The following AGMO variants were observed in gnomAD, a reference collection of about 807,000 sequenced individuals.
The protein encoded by AGMO is alkylglycerol monooxygenase.
In AGMO, 75 loss-of-function variants were observed where a neutral mutation model predicts 60.2. That is an observed-to-expected ratio of 1.25 (90% CI 1.03 to 1.51). The LOEUF (loss-of-function observed/expected upper bound fraction) is 1.51, where lower values mean the gene tolerates loss of function less well. AGMO is among the 40% of genes most tolerant of loss of function. AGMO has a pLI of 0.00. For missense variants in AGMO, 763 were observed against 525.5 expected (o/e 1.45, Z -4.42); for synonymous variants, 261 against 177.1 (o/e 1.47, Z -3.76).
the AGMO span, among the ~76,000 whole-genome samples, chr7:15,147,254 C>T: frequency 4.6e-5 from 7 of 152,080 alleles, no homozygotes; most frequent in South Asian, 2.1e-4. Context: ...TCTGTTCTCA[C>T]GCTGCTAATA....
intron 12 of AGMO, among the ~76,000 whole-genome samples, chr7:15,290,785 A>C (rs1339173900): frequency 6.6e-6 from 1 of 152,200 alleles, no homozygotes; most frequent in Non-Finnish European, 1.5e-5. Flanking sequence ...AACTTTCGTG[A>C]TGATTTTAAA....
intron 9 of AGMO, among the ~76,000 whole-genome samples, chr7:15,386,935 G>T (rs1783938172): frequency 6.6e-6 from 1 of 152,100 alleles, no homozygotes; most frequent in African/African-American, 2.4e-5. Flanking sequence ...ACTATAAAAT[G>T]AATATAGTTA....
rs570496211 is a variant in AGMO, at chr7:15,310,839, G to A, written c.1263+54675C>T. On this transcript the variant is annotated intron_variant, in intron 12 of 12. Transcript: ENST00000342526. Reference sequence around the variant, plus strand: ...CTGTGTTCCTTTCTGGTGGCACTAAGGGAGAATCTGTTTCTTTGCTTTTTC... The same window carrying A: ...CTGTGTTCCTTTCTGGTGGCACTAAAGGAGAATCTGTTTCTTTGCTTTTTC... Among the ~76,000 whole-genome samples, 13 of 152,268 alleles carry A rather than the reference G, an allele frequency of 8.5e-5. No individual in the cohort carries two copies. The South Asian group carries it at 2.5e-3, about 29-fold the overall frequency.
intron 12 of AGMO, among the ~76,000 whole-genome samples, chr7:15,297,843 AG>A (rs1784448169): frequency 6.6e-6 from 1 of 152,204 alleles, no homozygotes; most frequent in African/African-American, 2.4e-5. Context: ...GTTTGTATAA[AG>A]AATAAATAAT....
chr7:15,543,159 A>C (rs73679650), intron 3 of AGMO, among the ~76,000 whole-genome samples: 5,079 of 152,000 alleles, frequency 0.033, 263 homozygotes, highest in African/African-American at 0.12. Flanking sequence ...TCCTTCCTCC[A>C]CACCCACTCA....
intron 10 of AGMO, among the ~76,000 whole-genome samples, chr7:15,373,482 T>A (rs1783311234): frequency 6.6e-6 from 1 of 152,126 alleles, no homozygotes; most frequent in Non-Finnish European, 1.5e-5. Flanking sequence ...TGTTACTTAA[T>A]CAATGAATGT....
At chr7:15,421,818 T>C (rs1055673994) in intron 4 of AGMO, among the ~76,000 whole-genome samples, 3 of 152,140 alleles carry the variant, frequency 2.0e-5, no homozygotes, top group Admixed American at 6.6e-5. Context: ...CTTGTTGATA[T>C]GGGTGTCATG....
At chr7:15,136,033 G>GC in the AGMO span, among the ~76,000 whole-genome samples, 1 of 72,234 alleles carries the variant, frequency 1.4e-5, no homozygotes, top group Non-Finnish European at 2.6e-5. Context: ...TGCTCTTGTT[G>GC]CCCAGGCTGG....
intron 4 of AGMO, among the ~76,000 whole-genome samples, chr7:15,427,262 T>G (rs1189252043): frequency 6.6e-6 from 1 of 152,292 alleles, no homozygotes; most frequent in East Asian, 1.9e-4. Flanking sequence ...CACATGCACG[T>G]GTAGCTGTGT....
intron 12 of AGMO, among the ~76,000 whole-genome samples, chr7:15,224,418 C>A (rs2128497792): frequency 6.6e-6 from 1 of 151,914 alleles, no homozygotes; most frequent in South Asian, 2.1e-4. Context: ...CTTCCCCCAC[C>A]CCTTTTTGTC....
At chr7:15,360,334 G>A (rs529622954) in intron 12 of AGMO, among the ~76,000 whole-genome samples, 2 of 152,210 alleles carry the variant, frequency 1.3e-5, no homozygotes, top group South Asian at 2.1e-4. Context: ...CCAACCCCCC[G>A]TGCGGTCAAA....
chr7:15,436,764 A>G (rs1277586502), intron 3 of AGMO, among the ~76,000 whole-genome samples: 1 of 152,126 alleles, frequency 6.6e-6, no homozygotes, highest in Admixed American at 6.5e-5. Context: ...TTTTGTTTTA[A>G]TCCTTCAGAA....
intron 12 of AGMO, among the ~76,000 whole-genome samples, chr7:15,242,879 C>T (rs946987250): frequency 4.6e-5 from 7 of 151,712 alleles, no homozygotes; most frequent in African/African-American, 1.5e-4. Flanking sequence ...AGATAAATGA[C>T]ATTAAGTGTA....
the AGMO span, among the ~76,000 whole-genome samples, chr7:15,178,213 C>A: frequency 6.6e-6 from 1 of 152,120 alleles, no homozygotes; most frequent in African/African-American, 2.4e-5. Context: ...AAATAACTCT[C>A]TAAGAAGGGA....
chr7:15,322,581 TATAAATATATAAATATATATAA>T lies in AGMO; in HGVS notation c.1263+42911_1263+42932del, dbSNP rs1781173561. 4.9e-5 allele frequency among the ~76,000 whole-genome samples: 2 copies of T among 40,608 alleles called. 1 individual carries two copies. Among genetic ancestry groups the T allele is most frequent in the Non-Finnish European group, 7.8e-5 (2 of 25,584 alleles). 26.6% of individuals were successfully genotyped at this position (40,608 alleles called of 152,430 possible). On this transcript the variant is annotated intron_variant, in intron 12 of 12. Coordinates refer to ENST00000342526, the MANE Select transcript of AGMO (RefSeq NM_001004320.2). ...AAATATATAAATATATATAAATATA[TATAAATATATAAATATATATAA>T]ATATATATAAATATATAAATATATA...
intron 12 of AGMO, among the ~76,000 whole-genome samples, chr7:15,253,413 A>G (rs756383956): frequency 5.0e-4 from 76 of 152,172 alleles, no homozygotes; most frequent in Non-Finnish European, 7.9e-4. Context: ...GCTATTAGTC[A>G]TTCAAGTAGA....
At chr7:15,450,419 C>CAA (rs1280167748) in intron 3 of AGMO, among the ~76,000 whole-genome samples, 5 of 85,024 alleles carry the variant, frequency 5.9e-5, no homozygotes, top group African/African-American at 8.8e-5. Flanking sequence ...GTCTCCATCT[C>CAA]AAAAAAAAAA....
chr7:15,327,114 C>G (rs1781362104), intron 12 of AGMO, among the ~76,000 whole-genome samples: 1 of 152,150 alleles, frequency 6.6e-6, no homozygotes, highest in Non-Finnish European at 1.5e-5. Flanking sequence ...GAGTGACCCT[C>G]TGAGCTTAAG....
chr7:15,346,425 G>A (rs1168895310), intron 12 of AGMO, among the ~76,000 whole-genome samples: 1 of 151,774 alleles, frequency 6.6e-6, no homozygotes, highest in Non-Finnish European at 1.5e-5. Flanking sequence ...AACTAATAGT[G>A]TTTCACGTGT....
Sources: gnomAD v4.1 joint callset for allele counts (sites outside exome capture counted in the v4.1 genomes callset) on GRCh38, gnomAD v4.1.1 for gene constraint, MANE v1.5 for transcripts, NCBI Gene and HGNC (gene_info 2026-07-23, HGNC 2026-07-21) for gene names.